PARD3: variants seen among roughly 807,000 people sequenced by gnomAD.
PARD3 encodes par-3 family cell polarity regulator, also known as partitioning defective 3 homolog.
In PARD3, 75 loss-of-function variants were observed where a neutral mutation model predicts 155.4. The ratio of observed to expected loss-of-function variants is 0.48; its 90% CI spans 0.40 to 0.58. The LOEUF (loss-of-function observed/expected upper bound fraction) is 0.58. PARD3 is among the 20% of genes least tolerant of loss of function. PARD3 has a pLI of 0.00. For synonymous variants in PARD3, 576 were observed against 610.5 expected (o/e 0.94, Z 0.83); for missense variants, 1,642 against 1,721.7 (o/e 0.95, Z 0.82).
intron 4 of PARD3, among the ~76,000 whole-genome samples, chr10:34,468,470 A>C (rs954587205): frequency 2.6e-5 from 4 of 152,188 alleles, no homozygotes; most frequent in African/African-American, 9.6e-5. Flanking sequence ...GTGAATATCC[A>C]TGTAAATTAA....
At chr10:34,133,071 T>C (rs1947697154) in intron 22 of PARD3, among the ~76,000 whole-genome samples, 1 of 152,198 alleles carries the variant, frequency 6.6e-6, no homozygotes, top group African/African-American at 2.4e-5. Flanking sequence ...CATCACCCAA[T>C]AAAATCCCCA....
intron 2 of PARD3, among the ~76,000 whole-genome samples, chr10:34,532,219 TACACATTCATGAC>T (rs1312446147): frequency 6.6e-6 from 1 of 152,208 alleles, no homozygotes; most frequent in Non-Finnish European, 1.5e-5. Context: ...ATATATATTT[TACACATTCATGAC>T]ATATATTTTT....
chr10:34,221,233 G>A lies in PARD3; in HGVS notation c.3419+48424C>T, dbSNP rs187477280. 4.1e-3 allele frequency among the ~76,000 whole-genome samples: 631 copies of A among 152,244 alleles called. 2 individuals are homozygous for A. The highest frequency in any genetic ancestry group is 6.7e-3 in the Non-Finnish European group (459 of 68,020). On this transcript the variant is annotated intron_variant, in intron 22 of 24. Coordinates refer to ENST00000374788, the MANE Select transcript of PARD3 (RefSeq NM_001184785.2). ...TGCATGGGAGAGGCCATCCGGTGAT[G>A]TGCATGTCCACCGCTTTCCTTGTAG...
intron 3 of PARD3, among the ~76,000 whole-genome samples, chr10:34,481,945 C>T (rs2079105419): frequency 1.3e-5 from 2 of 151,902 alleles, no homozygotes; most frequent in Admixed American, 1.3e-4. Context: ...AATCCACCCG[C>T]CACAGCCTCC....
Position 34,252,381 on chromosome 10 carries a change from T to G in PARD3, c.3419+17276A>C, listed in dbSNP as rs141105823. Reference sequence around the variant, plus strand: ...GAATTTGCCTGGGCTGCCAACCAACTTGTTATCTCCTCGTCCTTCCTCTCC... The same window carrying G: ...GAATTTGCCTGGGCTGCCAACCAACGTGTTATCTCCTCGTCCTTCCTCTCC... On this transcript the variant is annotated intron_variant, in intron 22 of 24. Coordinates refer to ENST00000374788, the MANE Select transcript of PARD3 (RefSeq NM_001184785.2). 6.5e-3 allele frequency among the ~76,000 whole-genome samples: 970 copies of G among 149,042 alleles called. 4 individuals carry two copies. The highest frequency in any genetic ancestry group is 0.011 in the Non-Finnish European group (731 of 67,650).
intron 22 of PARD3, among the ~76,000 whole-genome samples, chr10:34,192,212 CAT>C (rs199775252): frequency 0.025 from 3,820 of 152,168 alleles, 85 homozygotes; most frequent in Non-Finnish European, 0.036. Context: ...GGACTACAGG[CAT>C]ATGTCACCAT....
intron 22 of PARD3, among the ~76,000 whole-genome samples, chr10:34,208,867 C>T (rs546968688): frequency 6.6e-6 from 1 of 152,170 alleles, no homozygotes; most frequent in Admixed American, 6.5e-5. Context: ...AAAAAGGGAG[C>T]CCACAGTTCT....
At chr10:34,209,358 T>G (rs1019832785) in intron 22 of PARD3, among the ~76,000 whole-genome samples, 23 of 152,210 alleles carry the variant, frequency 1.5e-4, no homozygotes, top group Non-Finnish European at 2.5e-4. Context: ...CTATTAAATA[T>G]TCTCGACATG....
At chr10:34,408,674 A>AG (rs1407978625) in intron 5 of PARD3, among the ~76,000 whole-genome samples, 1 of 152,132 alleles carries the variant, frequency 6.6e-6, no homozygotes, top group Non-Finnish European at 1.5e-5. Context: ...TGTAGGAGAG[A>AG]GGGGCTTCAC....
At chr10:34,163,199 T>C (rs914567181) in intron 22 of PARD3, among the ~76,000 whole-genome samples, 2 of 152,104 alleles carry the variant, frequency 1.3e-5, no homozygotes, top group Non-Finnish European at 2.9e-5. Flanking sequence ...CGTATTCACC[T>C]AGGAAGTTAA....
intron 2 of PARD3, among the ~76,000 whole-genome samples, chr10:34,686,982 G>A (rs1435409936): frequency 6.6e-6 from 1 of 152,080 alleles, no homozygotes; most frequent in African/African-American, 2.4e-5. Context: ...CCAAGAGGCA[G>A]AGGTTTCAGT....
chr10:34,593,278 T>C (rs992212889), intron 2 of PARD3, among the ~76,000 whole-genome samples: 1 of 152,224 alleles, frequency 6.6e-6, no homozygotes, highest in African/African-American at 2.4e-5. Flanking sequence ...ACTAAATATA[T>C]ACATCTGTGA....
chr10:34,244,193 T>C (rs575805176), intron 22 of PARD3, among the ~76,000 whole-genome samples: 75 of 152,354 alleles, frequency 4.9e-4, no homozygotes, highest in African/African-American at 1.7e-3. Context: ...AGGATGTTAC[T>C]TTAGACAATG....
intron 1 of PARD3, among the ~76,000 whole-genome samples, chr10:34,727,697 C>T (rs4339985): frequency 0.61 from 93,025 of 151,834 alleles, 28,860 homozygotes; most frequent in Non-Finnish European, 0.67. Context: ...TTCCCAATCA[C>T]ACACACTGTT....
At chr10:34,274,892 T>C (rs1434132257) in intron 21 of PARD3, among the ~76,000 whole-genome samples, 1 of 152,158 alleles carries the variant, frequency 6.6e-6, no homozygotes, top group Admixed American at 6.6e-5. Flanking sequence ...TAAACCTAAA[T>C]AATCTCCCCA....
chr10:34,335,152 AAAC>A, intron 18 of PARD3, among the ~76,000 whole-genome samples: 1 of 152,072 alleles, frequency 6.6e-6, no homozygotes, highest in Non-Finnish European at 1.5e-5. Flanking sequence ...TAAGAACAAC[AAAC>A]AACTCAGTAA....
rs376047524 is a variant in PARD3 at position 34,269,823 on chromosome 10, G to C, written c.3253C>G (p.Arg1085Gly). ...AACTCATCATCACAGCCAAATGTCC[G>C]ATGAAAATCTTGAATTTCAGCATAG... ...RDYAEIQDFH[R>G]TFGCDDELMY... Residue 1085 changes from arginine to glycine, a missense_variant, in exon 22 of 25, where the codon CGG becomes GGG. Physicochemically the swap from Arg to Gly is moderately radical, Grantham distance 125. Around this residue, in one of 3 missense-constraint regions of PARD3, gnomAD observed 1,529 missense variants for 1,587.3 expected, o/e 0.96. Transcript: ENST00000374788. 54 of 1,613,866 alleles carry C rather than the reference G, an allele frequency of 3.3e-5. No homozygotes were observed. The highest frequency in any genetic ancestry group is 4.4e-5 in the Non-Finnish European group (52 of 1,179,908).
intron 1 of PARD3, among the ~76,000 whole-genome samples, chr10:34,715,633 A>C (rs2094509149): frequency 6.6e-6 from 1 of 152,216 alleles, no homozygotes; most frequent in African/African-American, 2.4e-5. Flanking sequence ...GTCCCCCCAA[A>C]GCACTTAAAA....
At chr10:34,682,581 T>C (rs1036340225) in intron 2 of PARD3, among the ~76,000 whole-genome samples, 2 of 152,068 alleles carry the variant, frequency 1.3e-5, no homozygotes, top group African/African-American at 4.8e-5. Context: ...TCAGGCCAGG[T>C]GCAGTGACTC....
Sources: gnomAD v4.1 joint callset for allele counts (sites outside exome capture counted in the v4.1 genomes callset) on GRCh38, gnomAD v4.1.1 for gene constraint, gnomAD v4.1.1 regional missense constraint, MANE v1.5 for transcripts, NCBI Gene and HGNC (gene_info 2026-07-23, HGNC 2026-07-21) for gene names.